Variants in MOB3B observed in about 807,000 individuals in gnomAD.
The protein encoded by MOB3B is MOB kinase activator 3B.
Under a neutral mutation model 18.7 loss-of-function variants are expected in MOB3B, and 7 were observed. That is an observed-to-expected ratio of 0.37 (90% CI 0.21 to 0.70). The LOEUF (loss-of-function observed/expected upper bound fraction) is 0.70, where lower values mean the gene tolerates loss of function less well. MOB3B is among the 30% of genes least tolerant of loss of function. The probability of loss-of-function intolerance (pLI) is 0.52; values close to 1 mark genes in which losing one functional copy is unlikely to be tolerated. For synonymous variants in MOB3B, 111 were observed against 99.9 expected (o/e 1.11, Z -0.66); for missense variants, 253 against 281.3 (o/e 0.90, Z 0.72).
chr9:27,326,918 T>C lies in MOB3B; in HGVS notation c.*3669A>G, dbSNP rs1179412154. The C allele has an allele frequency of 4.9e-6, 1 of 203,306 alleles. No homozygotes were observed. Among genetic ancestry groups the C allele is most frequent in the Non-Finnish European group, 9.8e-6 (1 of 102,224 alleles). The allele number at this position is 203,306 out of a possible 1,614,324, so 12.6% of individuals were successfully genotyped here. A position where few individuals can be genotyped will look rare whatever the true frequency, so the allele number is the denominator to read the frequency against. ...AACTCACTGTACTATCTAAGAGTTTTCCCAAAAAAACCATCTGACAATTAG... is the reference window on the plus strand; with the variant it reads ...AACTCACTGTACTATCTAAGAGTTTCCCCAAAAAAACCATCTGACAATTAG... On this transcript the variant is annotated 3_prime_UTR_variant, in exon 4 of 4. Coordinates refer to ENST00000262244, the MANE Select transcript of MOB3B (RefSeq NM_024761.5).
chr9:27,528,396 C>A (rs188271773), intron 1 of MOB3B, among the ~76,000 whole-genome samples: 1 of 152,276 alleles, frequency 6.6e-6, no homozygotes, highest in Non-Finnish European at 1.5e-5. Flanking sequence ...TCCACTGTCT[C>A]GAAAGCAGCA....
chr9:27,337,199 C>T (rs917402770), intron 3 of MOB3B, among the ~76,000 whole-genome samples: 3 of 152,262 alleles, frequency 2.0e-5, no homozygotes, highest in African/African-American at 7.2e-5. Flanking sequence ...TCATTCCCCA[C>T]AGCAAGGCTA....
At chr9:27,330,926 C>T (rs549904966) in intron 3 of MOB3B, among the ~76,000 whole-genome samples, 2 of 152,274 alleles carry the variant, frequency 1.3e-5, no homozygotes, top group Admixed American at 1.3e-4. Flanking sequence ...CTGTCCTCTT[C>T]AGCAGAAGAA....
At chr9:27,477,851 C>CG (rs2131473606) in intron 1 of MOB3B, among the ~76,000 whole-genome samples, 1 of 152,294 alleles carries the variant, frequency 6.6e-6, no homozygotes, top group South Asian at 2.1e-4. Context: ...GGCTGGGATG[C>CG]CCATTTGAGA....
intron 1 of MOB3B, among the ~76,000 whole-genome samples, chr9:27,509,462 G>C (rs541750664): frequency 6.6e-6 from 1 of 152,198 alleles, no homozygotes; most frequent in East Asian, 1.9e-4. Flanking sequence ...TGTTGCCCAG[G>C]CTTGAGGGCA....
chr9:27,506,535 CTT>C (rs5897235), intron 1 of MOB3B, among the ~76,000 whole-genome samples: 266 of 138,154 alleles, frequency 1.9e-3, no homozygotes, highest in South Asian at 0.015. Flanking sequence ...CTTATTTAAT[CTT>C]TTTTTTTTTT....
chr9:27,350,848 G>A (rs1042482661), intron 3 of MOB3B, among the ~76,000 whole-genome samples: 1 of 151,002 alleles, frequency 6.6e-6, no homozygotes, highest in Non-Finnish European at 1.5e-5. Context: ...GCACACTCCA[G>A]CTACTCTTGG....
At chr9:27,506,705 T>C (rs1820065236) in intron 1 of MOB3B, among the ~76,000 whole-genome samples, 1 of 142,614 alleles carries the variant, frequency 7.0e-6, no homozygotes, top group Non-Finnish European at 1.6e-5. Context: ...TAATTTTTTG[T>C]AATTTTAGTA....
At chr9:27,466,972 C>T (rs1277494954) in intron 1 of MOB3B, among the ~76,000 whole-genome samples, 1 of 152,080 alleles carries the variant, frequency 6.6e-6, no homozygotes, top group Non-Finnish European at 1.5e-5. Flanking sequence ...TCTAGAAACT[C>T]TCAAGAGAGA....
At chr9:27,371,967 C>G (rs1821423111) in intron 2 of MOB3B, among the ~76,000 whole-genome samples, 1 of 152,100 alleles carries the variant, frequency 6.6e-6, no homozygotes, top group Non-Finnish European at 1.5e-5. Flanking sequence ...GAAGTTGACT[C>G]TATAAGCTGA....
intron 1 of MOB3B, among the ~76,000 whole-genome samples, chr9:27,506,289 T>C (rs1159650950): frequency 6.6e-6 from 1 of 152,178 alleles, no homozygotes; most frequent in Non-Finnish European, 1.5e-5. Context: ...TTAATTCATG[T>C]TTAACATATT....
chr9:27,463,906 A>T (rs1164242789), intron 1 of MOB3B, among the ~76,000 whole-genome samples: 1 of 152,120 alleles, frequency 6.6e-6, no homozygotes, highest in Non-Finnish European at 1.5e-5. Flanking sequence ...GCAGTGAGCC[A>T]TGATTGCACC....
At chr9:27,405,752 C>G (rs1821959014) in intron 2 of MOB3B, among the ~76,000 whole-genome samples, 1 of 152,166 alleles carries the variant, frequency 6.6e-6, no homozygotes, top group East Asian at 1.9e-4. Context: ...CTGAGTTCAA[C>G]AAGGCAAGGA....
intron 1 of MOB3B, among the ~76,000 whole-genome samples, chr9:27,507,909 A>T (rs1409516066): frequency 2.6e-5 from 4 of 152,240 alleles, no homozygotes; most frequent in African/African-American, 9.6e-5. Context: ...TCTTCAAGCG[A>T]TTAAAGCTGG....
At position 27,476,439 on chromosome 9, in the gene MOB3B, C is replaced by G. The variant is rs76292003; in HGVS notation, c.-198-20691G>C. 1.3e-3 allele frequency among the ~76,000 whole-genome samples: 202 copies of G among 152,282 alleles called. 2 individuals carry two copies. The highest frequency in any genetic ancestry group is 4.5e-3 in the African/African-American group (187 of 41,554). On this transcript the variant is annotated intron_variant, in intron 1 of 3. Transcript: ENST00000262244. Reference sequence around the variant, plus strand: ...CTCTACCTTCATCTTCACAAGTTATCCTTCCTGTGTGTATGTCTATCTCCA... The same window carrying G: ...CTCTACCTTCATCTTCACAAGTTATGCTTCCTGTGTGTATGTCTATCTCCA...
intron 3 of MOB3B, among the ~76,000 whole-genome samples, chr9:27,344,735 A>T (rs1252230429): frequency 6.6e-6 from 1 of 152,260 alleles, no homozygotes; most frequent in Non-Finnish European, 1.5e-5. Context: ...TCTAATGTCT[A>T]CTTTGATTCT....
At chr9:27,496,843 T>C (rs1029867161) in intron 1 of MOB3B, among the ~76,000 whole-genome samples, 1 of 152,252 alleles carries the variant, frequency 6.6e-6, no homozygotes, top group Non-Finnish European at 1.5e-5. Flanking sequence ...TTTTATTTTC[T>C]TGGTCCCAAG....
chr9:27,355,562 CTTTT>C (rs11339453), intron 3 of MOB3B, among the ~76,000 whole-genome samples: 3 of 132,014 alleles, frequency 2.3e-5, no homozygotes, highest in Admixed American at 7.5e-5. Flanking sequence ...TCTTTTTCTT[CTTTT>C]TTTTTTTTTT....
At chr9:27,438,818 A>T (rs892345930) in intron 2 of MOB3B, among the ~76,000 whole-genome samples, 1 of 152,166 alleles carries the variant, frequency 6.6e-6, no homozygotes, top group African/African-American at 2.4e-5. Context: ...TTTTAGGGCT[A>T]AAAAACTTCA....
Sources: allele counts gnomAD v4.1 joint callset (sites outside exome capture counted in the v4.1 genomes callset), GRCh38; gene constraint gnomAD v4.1.1; transcripts MANE v1.5; gene names NCBI Gene and HGNC (gene_info 2026-07-23, HGNC 2026-07-21).